Variants in SGF29 observed in about 807,000 individuals in gnomAD.
SGF29 encodes SAGA-associated factor 29.
A neutral mutation model predicts 38.1 loss-of-function variants in SGF29; 15 were observed. The ratio of observed to expected loss-of-function variants is 0.39; its 90% confidence interval spans 0.26 to 0.61. The LOEUF (loss-of-function observed/expected upper bound fraction) is 0.61. Among genes scored for constraint, SGF29 ranks in the 20% least tolerant of loss-of-function variants. The pLI, the probability that SGF29 is intolerant of heterozygous loss-of-function variation, is 0.49. For synonymous variants in SGF29, 151 were observed against 160.8 expected (o/e 0.94, Z 0.46); for missense variants, 184 against 394.6 (o/e 0.47, Z 4.52).
chr16:28,571,686 G>C (rs540482592), intron 1 of SGF29, among the ~76,000 whole-genome samples: 1 of 152,026 alleles, frequency 6.6e-6, no homozygotes, highest in African/African-American at 2.4e-5. Context: ...TAGTTGACGC[G>C]GTAGCTTGCA....
intron 4 of SGF29, among the ~76,000 whole-genome samples, chr16:28,587,622 C>A (rs2046962577): frequency 6.6e-6 from 1 of 152,226 alleles, no homozygotes; most frequent in Non-Finnish European, 1.5e-5. Flanking sequence ...CACCCCCGGA[C>A]ACCTCCCGAG....
At position 28,573,724 on chromosome 16, in the gene SGF29, A is replaced by G. The variant is rs116156474; in HGVS notation, c.-15-7331A>G. On this transcript the variant is annotated intron_variant, in intron 1 of 9. Transcript: ENST00000317058. ...AGAGGTGACAGGCATTGCTATACAGAGCTTGTAGTTTTGATGGTGGGCATA... is the reference window on the plus strand; with the variant it reads ...AGAGGTGACAGGCATTGCTATACAGGGCTTGTAGTTTTGATGGTGGGCATA... Among the ~76,000 whole-genome samples the G allele has an allele frequency of 5.3e-3, 803 of 152,068 alleles. 6 individuals carry two copies. The highest frequency in any genetic ancestry group is 0.019 in the African/African-American group (770 of 41,472).
chr16:28,581,876 G>A (rs188081686), intron 2 of SGF29, among the ~76,000 whole-genome samples: 4 of 149,724 alleles, frequency 2.7e-5, no homozygotes, highest in East Asian at 4.1e-4. Flanking sequence ...CCGAGATGGC[G>A]CCACTGCACT....
Position 28,590,702 on chromosome 16 carries a change from G to C in SGF29, c.602+36G>C. On this transcript the variant is annotated intron_variant, in intron 8 of 9. Transcript: ENST00000317058. This position sits in a 1 kb window ranked among gnomAD's most constrained non-coding sequence, Gnocchi z 8.2. ...AGGCCAGGGCAGGGCATGGAGCCTG[G>C]GGGCAGCCTAACAGCTGAGAAGGAG... 1 of 1,614,088 alleles carries C rather than the reference G, an allele frequency of 6.2e-7. No homozygotes were observed. The highest frequency in any genetic ancestry group is 8.5e-7 in the Non-Finnish European group (1 of 1,179,984).
At chr16:28,591,116 C>T (rs577097473) in intron 9 of SGF29, among the ~76,000 whole-genome samples, 181 bp downstream of exon 9, 4 of 152,312 alleles carry the variant, frequency 2.6e-5, no homozygotes, top group African/African-American at 9.6e-5. Flanking sequence ...CCTTTGCCAG[C>T]CCTGGCAGCC....
chr16:28,585,252 G>A (rs2046949997), intron 3 of SGF29: 1 of 514,638 alleles, frequency 1.9e-6, no homozygotes. Context: ...CCAGTTAGCT[G>A]GTGTTTTCTA....
At chr16:28,563,637 AT>A (rs2046803043) in intron 1 of SGF29, among the ~76,000 whole-genome samples, 1 of 152,046 alleles carries the variant, frequency 6.6e-6, no homozygotes, top group Non-Finnish European at 1.5e-5. Flanking sequence ...TATTTCAAAA[AT>A]AATCTGAATT....
intron 1 of SGF29, among the ~76,000 whole-genome samples, chr16:28,574,026 T>C (rs939656710): frequency 5.9e-5 from 9 of 152,006 alleles, no homozygotes; most frequent in African/African-American, 2.2e-4. Flanking sequence ...TTGTTACGGG[T>C]GGAAGGTATC....
chr16:28,581,258 C>T (rs207475839), intron 2 of SGF29, 114 bp downstream of exon 2: 4 of 934,416 alleles, frequency 4.3e-6, no homozygotes, highest in South Asian at 2.8e-5. Flanking sequence ...ACCAAAATGA[C>T]GTAATAAAAG....
At chr16:28,554,284 G>A in intron 1 of SGF29, 187 bp downstream of exon 1, 1 of 151,848 alleles carries the variant, frequency 6.6e-6, no homozygotes, top group East Asian at 2.0e-4. Flanking sequence ...CGGGGCCGGG[G>A]CTCGGGGAGG....
intron 1 of SGF29, among the ~76,000 whole-genome samples, chr16:28,580,425 C>T (rs146576421): frequency 6.6e-6 from 1 of 152,154 alleles, no homozygotes; most frequent in South Asian, 2.1e-4. Context: ...TTCTTGGAGG[C>T]TTAGACGGGG....
intron 1 of SGF29, among the ~76,000 whole-genome samples, chr16:28,568,774 A>G (rs946683743): frequency 2.6e-5 from 4 of 151,242 alleles, no homozygotes; most frequent in African/African-American, 9.7e-5. Context: ...TTAGCGGGGC[A>G]TGGTGGTTTG....
At chr16:28,580,562 G>A (rs1311823316) in intron 1 of SGF29, among the ~76,000 whole-genome samples, 2 of 151,920 alleles carry the variant, frequency 1.3e-5, no homozygotes, top group Non-Finnish European at 2.9e-5. Context: ...CTGGATTAAG[G>A]GCACACCCTA....
At chr16:28,572,357 C>T (rs1312108863) in intron 1 of SGF29, among the ~76,000 whole-genome samples, 2 of 151,756 alleles carry the variant, frequency 1.3e-5, no homozygotes, top group African/African-American at 2.4e-5. Flanking sequence ...GCAACATCCG[C>T]CTGCTGGGTT....
At chr16:28,583,101 C>T (rs780866905) in intron 2 of SGF29, among the ~76,000 whole-genome samples, 4 of 152,232 alleles carry the variant, frequency 2.6e-5, no homozygotes, top group Non-Finnish European at 4.4e-5. Flanking sequence ...CAAAAGCAGG[C>T]GTGGTCCTGA....
At chr16:28,585,148 C>A (rs2046949559) in intron 3 of SGF29, 160 bp downstream of exon 3, 4 of 592,238 alleles carry the variant, frequency 6.8e-6, no homozygotes, top group Non-Finnish European at 1.2e-5. Context: ...ATCTGGGTGA[C>A]CTGAAGAACT....
At chr16:28,570,086 G>A (rs2046856266) in intron 1 of SGF29, among the ~76,000 whole-genome samples, 1 of 152,108 alleles carries the variant, frequency 6.6e-6, no homozygotes. Flanking sequence ...CAGAGCTATG[G>A]GGGTAGGGTT....
At chr16:28,579,255 A>ATTTT (rs2046912002) in intron 1 of SGF29, among the ~76,000 whole-genome samples, 1 of 142,438 alleles carries the variant, frequency 7.0e-6, no homozygotes, top group African/African-American at 2.6e-5. Context: ...TGTTCTAATT[A>ATTTT]TCTTTTTTTT....
chr16:28,580,749 C>T (rs2046920275), intron 1 of SGF29, among the ~76,000 whole-genome samples: 1 of 152,182 alleles, frequency 6.6e-6, no homozygotes, highest in Non-Finnish European at 1.5e-5. Flanking sequence ...ATGGCACGAT[C>T]GTAGCTCATG....
Sources: gnomAD v4.1 joint callset for allele counts (sites outside exome capture counted in the v4.1 genomes callset) on GRCh38, gnomAD v4.1.1 for gene constraint, Gnocchi (gnomAD v3.1) non-coding constraint, MANE v1.5 for transcripts, NCBI Gene and HGNC (gene_info 2026-07-23, HGNC 2026-07-21) for gene names.